Variants in CDH9 observed in about 807,000 individuals in gnomAD.
The protein encoded by CDH9 is cadherin 9.
CDH9 carries 28 observed loss-of-function variants against 70.9 expected under a neutral mutation model. The observed-to-expected ratio is 0.40, with a 90% CI of 0.29 to 0.54. The LOEUF (loss-of-function observed/expected upper bound fraction) is 0.54, where lower values mean the gene tolerates loss of function less well. Among genes scored for constraint, CDH9 ranks in the 20% least tolerant of loss-of-function variants. The pLI is 0.59. For missense variants in CDH9, 874 were observed against 984.4 expected (o/e 0.89, Z 1.50); for synonymous variants, 409 against 343.1 (o/e 1.19, Z -2.12).
At chr5:26,997,300 T>C (rs1027110378) in intron 1 of CDH9, among the ~76,000 whole-genome samples, 4 of 152,016 alleles carry the variant, frequency 2.6e-5, no homozygotes, top group African/African-American at 4.8e-5. Context: ...TGTATATATG[T>C]CCACTTTCAA....
rs2112091846 is a variant in CDH9 at position 26,988,322 on chromosome 5, G to T, written c.12C>A (p.Tyr4Ter). Residue 4 changes from tyrosine (Y) to a stop codon, truncating the protein, a stop_gained, in exon 2 of 12, where the codon TAC becomes TAA. Transcript: ENST00000231021. LOFTEE classifies it high-confidence loss of function. MRT[Y>*]HYIPLFIWTY... is the part of the protein sequence containing the mutation. Reference sequence around the variant, plus strand: ...TCCAGATGAATAATGGTATATAATGGTAAGTCCTCATTATCTGCAACTTCA... The same window carrying T: ...TCCAGATGAATAATGGTATATAATGTTAAGTCCTCATTATCTGCAACTTCA... 6.2e-7 allele frequency: 1 copy of T among 1,611,126 alleles called. No homozygotes were observed. Among genetic ancestry groups the T allele is most frequent in the Non-Finnish European group, 8.5e-7 (1 of 1,177,944 alleles).
intron 3 of CDH9, among the ~76,000 whole-genome samples, chr5:26,911,674 G>A (rs1741056050): frequency 6.6e-6 from 1 of 151,322 alleles, no homozygotes. Flanking sequence ...ATGATCACAA[G>A]AAAAAAAAAA....
intron 2 of CDH9, among the ~76,000 whole-genome samples, chr5:26,922,026 C>CA (rs3071199): frequency 0.13 from 15,822 of 125,198 alleles, 964 homozygotes; most frequent in South Asian, 0.21. Context: ...CAAAATAGTC[C>CA]AAAAAAAAAA....
intron 2 of CDH9, among the ~76,000 whole-genome samples, chr5:26,940,907 T>C (rs2112035325): frequency 6.6e-6 from 1 of 152,368 alleles, no homozygotes; most frequent in Admixed American, 6.5e-5. Flanking sequence ...GGCAGTATTT[T>C]CTACCTCCCA....
chr5:26,897,285 A>C (rs1740769431), intron 7 of CDH9, among the ~76,000 whole-genome samples: 1 of 152,114 alleles, frequency 6.6e-6, no homozygotes, highest in East Asian at 1.9e-4. Context: ...ATTCCAAACA[A>C]TAGAAAAAGA....
chr5:26,936,268 A>C (rs916129706), intron 2 of CDH9, among the ~76,000 whole-genome samples: 1 of 152,148 alleles, frequency 6.6e-6, no homozygotes, highest in Non-Finnish European at 1.5e-5. Context: ...AATATACAAA[A>C]TTCAGTATAT....
chr5:26,880,984 T>C lies in CDH9; in HGVS notation c.*152A>G. On this transcript the variant is annotated 3_prime_UTR_variant, in exon 12 of 12. Coordinates refer to ENST00000231021, the MANE Select transcript of CDH9 (RefSeq NM_016279.4). ...TCATTCGTATTCATTCACAAAGACT[T>C]ACTGATTAAGCAAATCCCTACTTGA... The C allele has an allele frequency of 1.6e-6, 1 of 628,830 alleles. No individual in the cohort carries two copies. The highest frequency in any genetic ancestry group is 2.7e-6 in the Non-Finnish European group (1 of 370,582). 39.0% of individuals were successfully genotyped at this position (628,830 alleles called of 1,614,324 possible).
At chr5:26,960,256 C>T (rs969582659) in intron 2 of CDH9, among the ~76,000 whole-genome samples, 11 of 152,022 alleles carry the variant, frequency 7.2e-5, no homozygotes, top group African/African-American at 2.7e-4. Flanking sequence ...TGGTCATGTT[C>T]TAAGGATACA....
intron 9 of CDH9, 59 bp downstream of exon 9, chr5:26,889,777 G>C: frequency 2.9e-6 from 3 of 1,038,372 alleles, no homozygotes; most frequent in Non-Finnish European, 4.3e-6. Flanking sequence ...GTGATGTAAT[G>C]TCATTTGACT....
intron 2 of CDH9, among the ~76,000 whole-genome samples, chr5:26,935,909 A>G (rs1215473926): frequency 6.6e-6 from 1 of 152,194 alleles, no homozygotes; most frequent in Non-Finnish European, 1.5e-5. Context: ...ACCATGGACT[A>G]CTACTCAGCC....
chr5:26,919,338 A>G (rs928952227), intron 2 of CDH9, among the ~76,000 whole-genome samples: 2 of 152,166 alleles, frequency 1.3e-5, no homozygotes, highest in African/African-American at 4.8e-5. Context: ...AACTTAGGGT[A>G]GAAGTCAGCT....
chr5:27,014,049 C>T (rs1350365019), intron 1 of CDH9, among the ~76,000 whole-genome samples: 1 of 151,974 alleles, frequency 6.6e-6, no homozygotes, highest in Non-Finnish European at 1.5e-5. Context: ...ATCAGCTGAG[C>T]TCATTCAACA....
At chr5:26,943,277 C>T (rs776497923) in intron 2 of CDH9, among the ~76,000 whole-genome samples, 10 of 151,908 alleles carry the variant, frequency 6.6e-5, no homozygotes, top group Non-Finnish European at 1.5e-4. Flanking sequence ...TTTGGGAGGC[C>T]GAGGCGGGCA....
At chr5:27,022,578 A>C (rs973771063) in intron 1 of CDH9, among the ~76,000 whole-genome samples, 2 of 152,150 alleles carry the variant, frequency 1.3e-5, no homozygotes, top group East Asian at 3.9e-4. Flanking sequence ...TGGCTGAAAC[A>C]TATGTTTCTT....
At chr5:27,034,895 C>A (rs1196307960) in intron 1 of CDH9, among the ~76,000 whole-genome samples, 2 of 151,282 alleles carry the variant, frequency 1.3e-5, no homozygotes, top group East Asian at 1.9e-4. Flanking sequence ...ACACTCCTTA[C>A]CATATTTTAA....
chr5:27,030,218 T>G (rs1213432404), intron 1 of CDH9, among the ~76,000 whole-genome samples: 1 of 151,906 alleles, frequency 6.6e-6, no homozygotes, highest in Non-Finnish European at 1.5e-5. Context: ...CTCAACTCCC[T>G]GTAAGGTTCA....
rs543762788 is a variant in CDH9, at chr5:26,980,953, A to C, written c.228+7153T>G. 1.1e-4 allele frequency among the ~76,000 whole-genome samples: 17 copies of C among 152,198 alleles called. No individual in the cohort carries two copies. The South Asian group carries it at 3.5e-3, about 31-fold the overall frequency. On this transcript the variant is annotated intron_variant, in intron 2 of 11. Coordinates refer to ENST00000231021, the MANE Select transcript of CDH9 (RefSeq NM_016279.4). Reference sequence around the variant, plus strand: ...GTAGGTGCTCAGTTTTTTCAAAATTAATTGAACCATAATATTACACAGGAC... The same window carrying C: ...GTAGGTGCTCAGTTTTTTCAAAATTCATTGAACCATAATATTACACAGGAC...
chr5:26,900,675 A>G (rs7726928), intron 7 of CDH9, among the ~76,000 whole-genome samples: 69,566 of 151,896 alleles, frequency 0.46, 16,736 homozygotes, highest in East Asian at 0.67. Flanking sequence ...ACAGTTTTCC[A>G]GTAATGTGTG....
chr5:26,995,149 C>T (rs1050485720), intron 1 of CDH9, among the ~76,000 whole-genome samples: 5 of 152,232 alleles, frequency 3.3e-5, no homozygotes, highest in South Asian at 2.1e-4. Context: ...GGTATTGTGT[C>T]TTGCATAAAA....
Sources: allele counts gnomAD v4.1 joint callset (sites outside exome capture counted in the v4.1 genomes callset), GRCh38; gene constraint gnomAD v4.1.1; transcripts MANE v1.5; gene names NCBI Gene and HGNC (gene_info 2026-07-23, HGNC 2026-07-21).